TAB2: variants seen among roughly 807,000 people sequenced by gnomAD.
The protein encoded by TAB2 is TGF-beta-activated kinase 1 and MAP3K7-binding protein 2.
TAB2 carries 3 observed loss-of-function variants against 65.0 expected under a neutral mutation model. The ratio of observed to expected loss-of-function variants is 0.05; its 90% CI spans 0.02 to 0.12. The LOEUF (loss-of-function observed/expected upper bound fraction) is 0.12, where lower values mean the gene tolerates loss of function less well. Ranked by LOEUF, TAB2 falls within the 10% of genes least tolerant of loss-of-function variation. The probability of loss-of-function intolerance (pLI) is 1.00; values close to 1 mark genes in which losing one functional copy is unlikely to be tolerated. For missense variants in TAB2, 623 were observed against 840.3 expected, an observed-to-expected ratio of 0.74 and a Z score of 3.20; for synonymous variants, 298 against 285.1, an observed-to-expected ratio of 1.05 and a Z score of -0.46.
intron 1 of TAB2, among the ~76,000 whole-genome samples, chr6:149,369,577 A>G (rs1332068791): frequency 6.6e-6 from 1 of 152,246 alleles, no homozygotes; most frequent in Non-Finnish European, 1.5e-5. Flanking sequence ...TGGGATAATC[A>G]TTAAGAAAAA....
chr6:149,409,659 T>G lies in TAB2; in HGVS notation c.2022T>G (p.Thr674=), dbSNP rs1782780482. 5 of 1,614,180 alleles carry G rather than the reference T, an allele frequency of 3.1e-6. No homozygotes were observed. The highest frequency in any genetic ancestry group is 4.2e-6 in the Non-Finnish European group (5 of 1,179,986). ...CTCAGTGGAATTGTACCGCCTGTAC[T>G]TTTTTGAACCATCCAGCCTTAATTC... is the stretch of plus-strand genomic sequence containing the variant. ...EGAQWNCTAC[T]FLNHPALIRC... is the part of the protein sequence containing the mutation. Residue 674 remains threonine (T), a synonymous_variant, in exon 7 of 7, where the codon ACT becomes ACG. Transcript: ENST00000637181.
intron 3 of TAB2, among the ~76,000 whole-genome samples, chr6:149,385,260 A>T (rs1389781132): frequency 1.3e-5 from 2 of 152,242 alleles, no homozygotes; most frequent in African/African-American, 4.8e-5. Context: ...TTCAAAAGGA[A>T]ATATAATTTT....
chr6:149,402,135 GA>G (rs1782447484), intron 6 of TAB2, among the ~76,000 whole-genome samples: 1 of 151,436 alleles, frequency 6.6e-6, no homozygotes, highest in South Asian at 2.1e-4. Context: ...AACAGAAAAA[GA>G]AATAGTAAAA....
chr6:149,361,931 G>A (rs2114836269), intron 1 of TAB2, among the ~76,000 whole-genome samples: 1 of 152,342 alleles, frequency 6.6e-6, no homozygotes, highest in Non-Finnish European at 1.5e-5. Context: ...TAACAAGGCT[G>A]ACTTTGCTCT....
intron 1 of TAB2, among the ~76,000 whole-genome samples, chr6:149,329,665 T>TGGGGGGG (rs376907875): frequency 3.4e-5 from 1 of 29,844 alleles, no homozygotes; most frequent in African/African-American, 1.3e-4. Context: ...TAATTGGAGC[T>TGGGGGGG]GGGGGGGGCG....
intron 1 of TAB2, among the ~76,000 whole-genome samples, chr6:149,299,081 A>C (rs956044526): frequency 1.3e-5 from 2 of 152,204 alleles, no homozygotes; most frequent in Non-Finnish European, 2.9e-5. Context: ...CACAACTATT[A>C]ACCGTTTTAT....
intron 1 of TAB2, among the ~76,000 whole-genome samples, chr6:149,251,283 C>G (rs1435373299): frequency 6.6e-6 from 1 of 152,112 alleles, no homozygotes; most frequent in Non-Finnish European, 1.5e-5. Flanking sequence ...TTGGTGCCAG[C>G]CTCCACCCTA....
At chr6:149,290,196 T>C (rs551951925) in intron 1 of TAB2, among the ~76,000 whole-genome samples, 1 of 152,306 alleles carries the variant, frequency 6.6e-6, no homozygotes, top group Non-Finnish European at 1.5e-5. Context: ...TGGCCTGAAC[T>C]AGTTTTTCAG....
intron 1 of TAB2, among the ~76,000 whole-genome samples, chr6:149,266,729 G>A (rs1181039336): frequency 6.6e-6 from 1 of 152,150 alleles, no homozygotes; most frequent in Non-Finnish European, 1.5e-5. Context: ...TGGAAGTAAC[G>A]CCTGCTGAAA....
At chr6:149,372,183 C>T (rs9377209) in intron 2 of TAB2, among the ~76,000 whole-genome samples, 46 of 147,334 alleles carry the variant, frequency 3.1e-4, no homozygotes, top group East Asian at 2.5e-3. Flanking sequence ...AAAATATTTT[C>T]AAAAAAAAAA....
intron 1 of TAB2, among the ~76,000 whole-genome samples, chr6:149,339,593 A>ATTT (rs1562422713): frequency 0.26 from 3,967 of 15,120 alleles, 252 homozygotes; most frequent in African/African-American, 0.33. Context: ...TTTTTTATTT[A>ATTT]TTTATTTATT....
intron 1 of TAB2, among the ~76,000 whole-genome samples, chr6:149,310,501 T>C (rs2114711565): frequency 6.6e-6 from 1 of 152,290 alleles, no homozygotes; most frequent in South Asian, 2.1e-4. Context: ...TTCTTAAATT[T>C]ATTTCTGAGT....
chr6:149,392,089 T>C (rs1406063021), intron 3 of TAB2, among the ~76,000 whole-genome samples: 1 of 150,960 alleles, frequency 6.6e-6, no homozygotes, highest in African/African-American at 2.4e-5. Flanking sequence ...GTTTTTTTCT[T>C]TGTTTATGCA....
At chr6:149,240,714 T>C (rs758619376) in intron 1 of TAB2, among the ~76,000 whole-genome samples, 1 of 152,340 alleles carries the variant, frequency 6.6e-6, no homozygotes, top group Middle Eastern at 3.4e-3. Flanking sequence ...GTTTTAAGTG[T>C]AATGTCTGTC....
At chr6:149,250,989 G>A (rs1343019492) in intron 1 of TAB2, among the ~76,000 whole-genome samples, 1 of 152,240 alleles carries the variant, frequency 6.6e-6, no homozygotes, top group African/African-American at 2.4e-5. Flanking sequence ...GATATTTGCT[G>A]TCCCCATAGC....
At chr6:149,250,749 C>G (rs755016668) in intron 1 of TAB2, among the ~76,000 whole-genome samples, 2 of 152,172 alleles carry the variant, frequency 1.3e-5, no homozygotes, top group African/African-American at 4.8e-5. Context: ...TTACCAGGTA[C>G]GTTGAATTGA....
chr6:149,371,154 A>T (rs1781214525), intron 2 of TAB2, among the ~76,000 whole-genome samples: 1 of 151,850 alleles, frequency 6.6e-6, no homozygotes, highest in South Asian at 2.1e-4. Context: ...AAATTATATG[A>T]AATTTTTATC....
chr6:149,372,140 AGTAAAAC>A (rs1006438776), intron 2 of TAB2, among the ~76,000 whole-genome samples: 3 of 152,212 alleles, frequency 2.0e-5, no homozygotes, highest in African/African-American at 7.2e-5. Flanking sequence ...CGTAACTGGG[AGTAAAAC>A]ATAGAGCCTT....
intron 1 of TAB2, among the ~76,000 whole-genome samples, chr6:149,292,361 C>G (rs1583068543): frequency 6.6e-6 from 1 of 152,006 alleles, no homozygotes; most frequent in East Asian, 1.9e-4. Flanking sequence ...CTAAACAAGT[C>G]AAGATAAAAA....
Sources: allele counts gnomAD v4.1 joint callset (sites outside exome capture counted in the v4.1 genomes callset), GRCh38; gene constraint gnomAD v4.1.1; transcripts MANE v1.5; gene names NCBI Gene and HGNC (gene_info 2026-07-23, HGNC 2026-07-21).